Variants in CREG2 observed in about 807,000 individuals in gnomAD.
CREG2 encodes protein CREG2.
Under a neutral mutation model 26.2 loss-of-function variants are expected in CREG2, and 24 were observed. The observed-to-expected ratio is 0.92, with a 90% CI of 0.66 to 1.29. The LOEUF (loss-of-function observed/expected upper bound fraction) is 1.29. CREG2 is among the 50% of genes most tolerant of loss of function. The pLI, the probability that CREG2 is intolerant of heterozygous loss-of-function variation, is 0.00. For missense variants in CREG2, 366 were observed against 398.6 expected (o/e 0.92, Z 0.70); for synonymous variants, 174 against 169.2 (o/e 1.03, Z -0.22).
rs191652801 is a variant in CREG2 at position 101,345,808 on chromosome 2, A to G, written c.*5115T>C. 6 of 151,350 alleles carry G rather than the reference A, an allele frequency of 4.0e-5. No homozygotes were observed. Among genetic ancestry groups the G allele is most frequent in the Admixed American group, 6.6e-5 (1 of 15,152 alleles). 9.4% of individuals were successfully genotyped at this position (151,350 alleles called of 1,614,324 possible). On this transcript the variant is annotated 3_prime_UTR_variant, in exon 4 of 4. Transcript: ENST00000324768. ...AGTTCAATTATTTAAATAAATACAG[A>G]CTTTTTGGAAAAATTGTAGAAATAC...
intron 2 of CREG2, among the ~76,000 whole-genome samples, chr2:101,372,944 A>T (rs1041596474): frequency 6.6e-6 from 1 of 152,246 alleles, no homozygotes. Flanking sequence ...TCAAGATATT[A>T]CTTCACACCC....
chr2:101,379,521 A>G (rs937032050), intron 2 of CREG2, among the ~76,000 whole-genome samples: 1 of 152,124 alleles, frequency 6.6e-6, no homozygotes, highest in African/African-American at 2.4e-5. Context: ...ATCTAACTTT[A>G]TCTTTAAGAC....
At chr2:101,377,987 A>T (rs550997649) in intron 2 of CREG2, among the ~76,000 whole-genome samples, 1 of 152,204 alleles carries the variant, frequency 6.6e-6, no homozygotes, top group Non-Finnish European at 1.5e-5. Context: ...TGATGATTTG[A>T]TGTTCATATA....
intron 2 of CREG2, among the ~76,000 whole-genome samples, chr2:101,376,895 G>C (rs1684800219): frequency 6.6e-6 from 1 of 152,128 alleles, no homozygotes; most frequent in Non-Finnish European, 1.5e-5. Flanking sequence ...CTCGTCAGTA[G>C]ACACCAGCTA....
chr2:101,356,660 C>A (rs1308721552), intron 2 of CREG2, among the ~76,000 whole-genome samples: 1 of 152,064 alleles, frequency 6.6e-6, no homozygotes, highest in Non-Finnish European at 1.5e-5. Context: ...TAGTACAACG[C>A]TTCTGTCTGG....
rs867567445 is a variant in CREG2 at position 101,387,301 on chromosome 2, C to T, written c.157G>A (p.Ala53Thr). 1 of 1,490,826 alleles carries T rather than the reference C, an allele frequency of 6.7e-7. No homozygotes were observed. Among genetic ancestry groups the T allele is most frequent in the Non-Finnish European group, 9.0e-7 (1 of 1,113,732 alleles). 92.3% of individuals were successfully genotyped at this position (1,490,826 alleles called of 1,614,324 possible). The change falls in exon 1 of 4, where the codon GCC (alanine) becomes ACC (threonine). Residue 53 changes from alanine (A) to threonine (T), a missense_variant. Physicochemically the swap from Ala to Thr is moderately conservative, Grantham distance 58. This residue lies in a region of CREG2 where 177 missense variants were observed against 183.3 expected (regional missense o/e 0.97). Transcript: ENST00000324768. The surrounding 1 kb of genome is among the most constrained non-coding windows in gnomAD (Gnocchi z 4.7). ...GCGGGCATAGCCTCCTCAGTGGAGGCGCTGTCCAGCTCCTCGTCCACCTCG... is the reference window on the plus strand; with the variant it reads ...GCGGGCATAGCCTCCTCAGTGGAGGTGCTGTCCAGCTCCTCGTCCACCTCG... Reference protein sequence around the residue: ...TNEVDEELDSASTEEAMPALL... With the variant: ...TNEVDEELDSTSTEEAMPALL...
chr2:101,385,509 C>G (rs1684956554), intron 1 of CREG2, among the ~76,000 whole-genome samples: 1 of 152,132 alleles, frequency 6.6e-6, no homozygotes, highest in South Asian at 2.1e-4. Flanking sequence ...TGAGGTTTTC[C>G]CAAATCCTTC....
intron 2 of CREG2, among the ~76,000 whole-genome samples, chr2:101,381,288 T>C (rs1684869436): frequency 6.6e-6 from 1 of 152,172 alleles, no homozygotes. Context: ...TATATTCCAG[T>C]GGCCCTAGGA....
At chr2:101,381,746 C>G (rs1444658852) in intron 2 of CREG2, among the ~76,000 whole-genome samples, 3 of 152,234 alleles carry the variant, frequency 2.0e-5, no homozygotes, top group Admixed American at 6.5e-5. Context: ...TTGCCCTTGG[C>G]CCCGGGGTGC....
rs577827547 is a variant in CREG2 at position 101,375,304 on chromosome 2, C to G, written c.611+8229G>C. The stretch of plus-strand genomic sequence containing the variant: ...ATGGTCTGGCACCTCCCCTCAGAAA[C>G]TAGATTCCTTTGCAAACTGGAATCT... On this transcript the variant is annotated intron_variant, in intron 2 of 3. Transcript: ENST00000324768. 2.9e-3 allele frequency among the ~76,000 whole-genome samples: 441 copies of G among 152,266 alleles called. 1 individual carries two copies. Among genetic ancestry groups the G allele is most frequent in the Middle Eastern group, 6.8e-3 (2 of 294 alleles).
In CREG2 at chr2:101,360,950, A is replaced by T. The variant is rs368105302; in HGVS notation, c.612-5584T>A. ...AATTGTAAGAAGAAACTGAATTCAC[A>T]TATATGAAAAATATTTAGAATTTGT... On this transcript the variant is annotated intron_variant, in intron 2 of 3. Transcript: ENST00000324768. Among the ~76,000 whole-genome samples the T allele has an allele frequency of 2.8e-3, 429 of 152,338 alleles. 2 individuals are homozygous for T. The highest frequency in any genetic ancestry group is 0.01 in the African/African-American group (419 of 41,578).
chr2:101,353,137 T>C (rs1684407986), intron 3 of CREG2, among the ~76,000 whole-genome samples: 1 of 152,224 alleles, frequency 6.6e-6, no homozygotes, highest in Non-Finnish European at 1.5e-5. Flanking sequence ...TTTAAGTTCC[T>C]TGTAGATTTT....
intron 2 of CREG2, among the ~76,000 whole-genome samples, chr2:101,374,375 A>AAAC (rs1365458479): frequency 6.6e-6 from 1 of 152,218 alleles, no homozygotes; most frequent in Non-Finnish European, 1.5e-5. Context: ...AGACTGTCTC[A>AAAC]AACAACAACA....
At chr2:101,381,217 G>A (rs1684868018) in intron 2 of CREG2, among the ~76,000 whole-genome samples, 1 of 152,204 alleles carries the variant, frequency 6.6e-6, no homozygotes, top group Non-Finnish European at 1.5e-5. Context: ...TTGCCGGGCT[G>A]TCCTTCGAAG....
intron 2 of CREG2, among the ~76,000 whole-genome samples, chr2:101,381,311 G>T (rs1434071122): frequency 1.3e-5 from 2 of 152,160 alleles, no homozygotes; most frequent in African/African-American, 4.8e-5. Flanking sequence ...CCCTTGCTTG[G>T]CTTGTTTATT....
At chr2:101,379,035 G>C (rs1027299135) in intron 2 of CREG2, among the ~76,000 whole-genome samples, 5 of 151,780 alleles carry the variant, frequency 3.3e-5, no homozygotes, top group Non-Finnish European at 7.4e-5. Context: ...AAAAAGGAGA[G>C]ATCACCAACC....
rs1684313402 is a variant in CREG2 at position 101,346,817 on chromosome 2, G to A, written c.*4106C>T. 2 of 152,180 alleles carry A rather than the reference G, an allele frequency of 1.3e-5. No homozygotes were observed. The highest frequency in any genetic ancestry group is 4.8e-5 in the African/African-American group (2 of 41,440). The allele number at this position is 152,180 out of a possible 1,614,324, so 9.4% of individuals were successfully genotyped here. ...ACATGCAGTTGTAAGAAATAATACAGAGATCCTGTGTTCTTTTTACCCAGT... is the reference window on the plus strand; with the variant it reads ...ACATGCAGTTGTAAGAAATAATACAAAGATCCTGTGTTCTTTTTACCCAGT... On this transcript the variant is annotated 3_prime_UTR_variant, in exon 4 of 4. Transcript: ENST00000324768.
chr2:101,357,567 A>G (rs1367962357), intron 2 of CREG2, among the ~76,000 whole-genome samples: 1 of 152,132 alleles, frequency 6.6e-6, no homozygotes, highest in African/African-American at 2.4e-5. Context: ...TTAGTCACTT[A>G]CATTCACATA....
rs181281171 is a variant in CREG2 at position 101,354,344 on chromosome 2, G to A, written c.725+909C>T. Among the ~76,000 whole-genome samples, 33 of 152,314 alleles carry A rather than the reference G, an allele frequency of 2.2e-4. No individual in the cohort carries two copies. In the East Asian group the frequency reaches 6.2e-3, roughly 29 times the overall value. On this transcript the variant is annotated intron_variant, in intron 3 of 3. Coordinates refer to ENST00000324768, the MANE Select transcript of CREG2 (RefSeq NM_153836.4). ...TGTTTCTTTAGGTATTGAAAGCCAT[G>A]AGCTCATGTGAACATATCCAATCCC...
Sources: allele counts gnomAD v4.1 joint callset (sites outside exome capture counted in the v4.1 genomes callset), GRCh38; gene constraint gnomAD v4.1.1; regional missense constraint gnomAD v4.1.1; non-coding constraint Gnocchi (gnomAD v3.1); transcripts MANE v1.5; gene names NCBI Gene and HGNC (gene_info 2026-07-23, HGNC 2026-07-21).